Variants in NAPA observed in about 807,000 individuals in gnomAD.
The protein encoded by NAPA is alpha-soluble NSF attachment protein.
Under a neutral mutation model 48.0 loss-of-function variants are expected in NAPA, and 18 were observed. That is an observed-to-expected ratio of 0.38 (90% CI 0.26 to 0.56). The LOEUF is 0.56. Ranked by LOEUF, NAPA falls within the 20% of genes least tolerant of loss-of-function variation. The probability of loss-of-function intolerance (pLI) is 0.77; values close to 1 mark genes in which losing one functional copy is unlikely to be tolerated. For synonymous variants in NAPA, 152 were observed against 149.9 expected (o/e 1.01, Z -0.10); for missense variants, 315 against 385.0 (o/e 0.82, Z 1.52).
intron 1 of NAPA, among the ~76,000 whole-genome samples, chr19:47,510,161 C>T (rs1031492793): frequency 2.6e-5 from 4 of 152,188 alleles, no homozygotes; most frequent in East Asian, 3.9e-4. Flanking sequence ...GAAATGGCGC[C>T]GGGGTTTCTG....
downstream of NAPA, among the ~76,000 whole-genome samples, chr19:47,487,122 CCTG>C (rs1277009444): frequency 6.6e-6 from 1 of 152,262 alleles, no homozygotes; most frequent in Non-Finnish European, 1.5e-5. Context: ...GGCAAAGGCT[CCTG>C]CTATCTCCTC....
intron 1 of NAPA, among the ~76,000 whole-genome samples, chr19:47,512,992 G>C (rs1300073553): frequency 6.6e-6 from 1 of 151,812 alleles, no homozygotes; most frequent in African/African-American, 2.4e-5. Context: ...CCGTCCCCAG[G>C]CTCTGCTTCT....
chr19:47,509,699 C>T (rs1599919884), intron 1 of NAPA, among the ~76,000 whole-genome samples: 1 of 152,226 alleles, frequency 6.6e-6, no homozygotes, highest in East Asian at 1.9e-4. Flanking sequence ...AGAGTCCTGG[C>T]CTCCCATGCC....
At chr19:47,502,696 C>T (rs555971189) in intron 2 of NAPA, among the ~76,000 whole-genome samples, 3 of 152,292 alleles carry the variant, frequency 2.0e-5, no homozygotes, top group Admixed American at 2.0e-4. Flanking sequence ...AAATGAGCCT[C>T]GAAAGGGCTC....
Position 47,514,994 on chromosome 19 carries a change from AGCCGCGG to A in NAPA, c.-61_-55del. 3 of 1,563,046 alleles carry A rather than the reference AGCCGCGG, an allele frequency of 1.9e-6. No individual in the cohort carries two copies. The highest frequency in any genetic ancestry group is 2.6e-6 in the Non-Finnish European group (3 of 1,143,290). ...CCTGACCCTGACCCTGGGAAGACTC[AGCCGCGG>A]CCGGGCCGCGGAACACAGATCGGTA... On this transcript the variant is annotated 5_prime_UTR_variant, in exon 1 of 11. Coordinates refer to ENST00000263354, the MANE Select transcript of NAPA (RefSeq NM_003827.4).
rs556971330 is a variant in NAPA, at chr19:47,504,147, A to G, written c.99-645T>C. Among the ~76,000 whole-genome samples, 5 of 152,190 alleles carry G rather than the reference A, an allele frequency of 3.3e-5. No individual in the cohort carries two copies. In the East Asian group the frequency reaches 9.6e-4, roughly 29 times the overall value. On this transcript the variant is annotated intron_variant, in intron 1 of 10. Coordinates refer to ENST00000263354, the MANE Select transcript of NAPA (RefSeq NM_003827.4). ...GGTTCATGGCTCCTGTAATCCCAAC[A>G]CTTTGGGAGGCCAAGGTTGGCGGAT...
rs1451217124 is a variant in NAPA at position 47,506,090 on chromosome 19, C to T, written c.99-2588G>A. 1.3e-5 allele frequency among the ~76,000 whole-genome samples: 2 copies of T among 151,604 alleles called. No homozygotes were observed. Among genetic ancestry groups the T allele is most frequent in the Admixed American group, 1.3e-4 (2 of 15,196 alleles). On this transcript the variant is annotated intron_variant, in intron 1 of 10. Transcript: ENST00000263354. This position sits in a 1 kb window ranked among gnomAD's most constrained non-coding sequence, Gnocchi z 4.0. ...TCAGCTTACTGCAACCTCCAACTCC[C>T]GGGTTCAAGCAATTCTCCTGCCTCA...
Position 47,488,256 on chromosome 19 carries a change from A to G in NAPA, c.*32T>C. The G allele has an allele frequency of 6.3e-7, 1 of 1,577,482 alleles. No homozygotes were observed. ...CCACCTCTCTCTGAGCAGATGGGACAGGAAGACGGGCACTGGGGGGCTGGG... is the reference window on the plus strand; with the variant it reads ...CCACCTCTCTCTGAGCAGATGGGACGGGAAGACGGGCACTGGGGGGCTGGG... On this transcript the variant is annotated 3_prime_UTR_variant, in exon 11 of 11. Coordinates refer to ENST00000263354, the MANE Select transcript of NAPA (RefSeq NM_003827.4).
downstream of NAPA, among the ~76,000 whole-genome samples, chr19:47,486,153 G>A (rs1478314301): frequency 6.6e-6 from 1 of 152,112 alleles, no homozygotes; most frequent in Non-Finnish European, 1.5e-5. Flanking sequence ...TCAGGAGTTT[G>A]AGACCAGCCT....
chr19:47,495,424 A>G (rs930846234), intron 4 of NAPA, 126 bp downstream of exon 4: 9 of 1,092,986 alleles, frequency 8.2e-6, no homozygotes, highest in Non-Finnish European at 1.2e-5. Context: ...CCCAGCTCCC[A>G]CTTCCCCCTC....
chr19:47,492,289 G>A (rs1390383371), intron 7 of NAPA, 170 bp from the exon 8 acceptor site: 25 of 599,106 alleles, frequency 4.2e-5, no homozygotes, highest in Non-Finnish European at 1.5e-5. Context: ...GGAGAGGTCA[G>A]CGGCCAGTGC....
At chr19:47,500,316 C>G (rs1968540741) in intron 3 of NAPA, among the ~76,000 whole-genome samples, 1 of 152,200 alleles carries the variant, frequency 6.6e-6, no homozygotes, top group Admixed American at 6.5e-5. Context: ...ATTTTCCTCT[C>G]TCCCCGGCAG....
intron 10 of NAPA, chr19:47,488,652 G>T (rs1023744366): frequency 4.3e-6 from 1 of 231,926 alleles, no homozygotes; most frequent in Non-Finnish European, 8.4e-6. Flanking sequence ...GGGCGCAGTA[G>T]CTCACGCCTG....
intron 9 of NAPA, among the ~76,000 whole-genome samples, chr19:47,490,082 GTGTT>G (rs1267903241): frequency 1.3e-5 from 2 of 149,654 alleles, no homozygotes; most frequent in African/African-American, 4.9e-5. Flanking sequence ...TGTGGTGTGT[GTGTT>G]GGGGTGTGGT....
chr19:47,496,728 A>T, intron 3 of NAPA: 1 of 349,392 alleles, frequency 2.9e-6, no homozygotes, highest in Non-Finnish European at 5.8e-6. Context: ...TCTGGATGGG[A>T]CTCCAAACTC....
chr19:47,492,875 T>C, intron 7 of NAPA, 86 bp downstream of exon 7: 1 of 1,319,128 alleles, frequency 7.6e-7, no homozygotes, highest in Non-Finnish European at 1.1e-6. Flanking sequence ...GGAGGGGTGG[T>C]TCCAGAACAA....
chr19:47,503,348 T>A, intron 2 of NAPA, 75 bp downstream of exon 2: 1 of 1,382,820 alleles, frequency 7.2e-7, no homozygotes, highest in South Asian at 1.2e-5. Flanking sequence ...GGCCAACCTC[T>A]CGGGCAGGCC....
intron 1 of NAPA, among the ~76,000 whole-genome samples, chr19:47,509,349 TAAATAAAATA>T (rs1210141621): frequency 1.1e-5 from 1 of 92,156 alleles, no homozygotes; most frequent in African/African-American, 4.4e-5. Context: ...TAAAATAAAA[TAAATAAAATA>T]AAATAAAATA....
In NAPA at chr19:47,509,796, G is replaced by A. The variant is rs142747059; in HGVS notation, c.98+5047C>T. ...AGAGCCAGGATCTCACCTGCCACAC[G>A]GCACACAGCCTGGCAGGCGCCCTGT... On this transcript the variant is annotated intron_variant, in intron 1 of 10. Transcript: ENST00000263354. Among the ~76,000 whole-genome samples the A allele has an allele frequency of 6.8e-3, 1,041 of 152,210 alleles. 5 individuals are homozygous for A. Among genetic ancestry groups the A allele is most frequent in the Non-Finnish European group, 0.011 (760 of 68,020 alleles).
Sources: gnomAD v4.1 joint callset for allele counts (sites outside exome capture counted in the v4.1 genomes callset) on GRCh38, gnomAD v4.1.1 for gene constraint, Gnocchi (gnomAD v3.1) non-coding constraint, MANE v1.5 for transcripts, NCBI Gene and HGNC (gene_info 2026-07-23, HGNC 2026-07-21) for gene names.